Variants in SH2B2 observed in about 807,000 individuals in gnomAD.
SH2B2 encodes the protein SH2B adapter protein 2.
SH2B2 carries 37 observed loss-of-function variants against 35.7 expected under a neutral mutation model. That is an observed-to-expected ratio of 1.04 (90% confidence interval 0.80 to 1.36). The LOEUF (loss-of-function observed/expected upper bound fraction) is 1.36, where lower values mean the gene tolerates loss of function less well. Ranked by LOEUF, SH2B2 falls within the 40% of genes most tolerant of loss-of-function variation. The pLI is 0.00. For missense variants in SH2B2, 852 were observed against 817.7 expected (o/e 1.04, Z -0.51); for synonymous variants, 383 against 376.4 (o/e 1.02, Z -0.20).
At position 102,321,493 on chromosome 7, in the gene SH2B2, G is replaced by A. The variant is rs1340484144; in HGVS notation, c.1762G>A (p.Gly588Ser). Residue 588 changes from glycine (G) to serine (S), a missense_variant, in exon 9 of 9, where the codon GGC becomes AGC. Transcript: ENST00000444095. The stretch of plus-strand genomic sequence containing the variant: ...GCCCGCCCCCCCGCGCCCCGTCGAG[G>A]GCCAGCTCAGCGCGCGGAGCCGCAG... ...SGPAPPRPVE[G>S]QLSARSRSNS... 1.7e-6 allele frequency: 2 copies of A among 1,166,320 alleles called. No individual in the cohort carries two copies. Among genetic ancestry groups the A allele is most frequent in the Non-Finnish European group, 2.1e-6 (2 of 945,058 alleles). 72.2% of individuals were successfully genotyped at this position (1,166,320 alleles called of 1,614,324 possible).
Position 102,306,742 on chromosome 7 carries a change from A to T in SH2B2, c.751A>T (p.Ile251Phe), listed in dbSNP as rs782301062. 2.5e-6 allele frequency: 4 copies of T among 1,598,356 alleles called. No homozygotes were observed. Among genetic ancestry groups the T allele is most frequent in the Non-Finnish European group, 3.4e-6 (4 of 1,172,866 alleles). ...PPKASRPKVS[I>F]PLSAIIEVRT... Reference sequence around the variant, plus strand: ...CCAGGCCTCCAGGCCCAAGGTCAGCATCCCACTGTCAGCCATCATTGAGGT... The same window carrying T: ...CCAGGCCTCCAGGCCCAAGGTCAGCTTCCCACTGTCAGCCATCATTGAGGT... Residue 251 changes from isoleucine (I) to phenylalanine (F), a missense_variant, in exon 3 of 9, where the codon ATC becomes TTC. This residue lies in a region of SH2B2 where 556 missense variants were observed against 514.5 expected (regional missense o/e 1.08). Transcript: ENST00000444095.
chr7:102,287,995 G>A (rs955445023), intron 1 of SH2B2, among the ~76,000 whole-genome samples: 10 of 152,198 alleles, frequency 6.6e-5, no homozygotes, highest in Admixed American at 6.5e-4. Flanking sequence ...CCTGGGTGGA[G>A]CCCTACCAAT....
chr7:102,312,486 T>A (rs903830899), intron 4 of SH2B2, among the ~76,000 whole-genome samples: 7 of 152,302 alleles, frequency 4.6e-5, no homozygotes, highest in African/African-American at 1.7e-4. Context: ...GGGAATAGAC[T>A]GAGCAGGGGA....
intron 7 of SH2B2, among the ~76,000 whole-genome samples, chr7:102,318,683 C>T (rs187626475): frequency 6.0e-4 from 91 of 152,164 alleles, no homozygotes; most frequent in African/African-American, 2.1e-3. Flanking sequence ...GCAGGGACCC[C>T]GGCTGCCCTA....
intron 4 of SH2B2, among the ~76,000 whole-genome samples, chr7:102,311,753 A>C (rs1554556117): frequency 1.3e-5 from 2 of 152,046 alleles, no homozygotes; most frequent in African/African-American, 4.8e-5. Context: ...TAACGTGTAT[A>C]CATAGGAGCC....
intron 1 of SH2B2, among the ~76,000 whole-genome samples, chr7:102,298,183 C>T (rs1792997804): frequency 6.6e-6 from 1 of 152,184 alleles, no homozygotes; most frequent in Admixed American, 6.5e-5. Flanking sequence ...TTGGCTTTTA[C>T]TCTGACTGTA....
intron 4 of SH2B2, among the ~76,000 whole-genome samples, chr7:102,312,642 T>C (rs1793670104): frequency 6.6e-6 from 1 of 152,146 alleles, no homozygotes; most frequent in South Asian, 2.1e-4. Context: ...TTTCTTTCTT[T>C]TTTTCTTTCT....
upstream of SH2B2, among the ~76,000 whole-genome samples, chr7:102,286,297 C>T (rs981990205): frequency 6.6e-6 from 1 of 152,108 alleles, no homozygotes; most frequent in Non-Finnish European, 1.5e-5. Flanking sequence ...GTGGCGCCCT[C>T]GAGATTTATG....
At chr7:102,294,181 C>T (rs1455735255) in intron 1 of SH2B2, among the ~76,000 whole-genome samples, 1 of 152,156 alleles carries the variant, frequency 6.6e-6, no homozygotes, top group African/African-American at 2.4e-5. Flanking sequence ...GCGTGTGCCA[C>T]CACACCTGCC....
intron 2 of SH2B2, among the ~76,000 whole-genome samples, chr7:102,305,896 T>TC (rs1793376175): frequency 2.2e-5 from 3 of 137,056 alleles, no homozygotes; most frequent in Admixed American, 2.1e-4. Flanking sequence ...TTTTTTTCTT[T>TC]TTTTTTTTTT....
At chr7:102,311,474 C>T (rs1475549751) in intron 4 of SH2B2, among the ~76,000 whole-genome samples, 4 of 151,572 alleles carry the variant, frequency 2.6e-5, no homozygotes, top group African/African-American at 9.7e-5. Flanking sequence ...AGGCTCGTCT[C>T]GAACTCTTGA....
chr7:102,300,719 G>A lies in SH2B2; in HGVS notation c.169G>A (p.Ala57Thr). 6.5e-7 allele frequency: 1 copy of A among 1,532,064 alleles called. No individual in the cohort carries two copies. Among genetic ancestry groups the A allele is most frequent in the Non-Finnish European group, 8.8e-7 (1 of 1,135,706 alleles). The allele number at this position is 1,532,064 out of a possible 1,614,324, so 94.9% of individuals were successfully genotyped here. ...RDNPAYDTPDAGASFSRHFAA... is the reference protein window; with the variant it reads ...RDNPAYDTPDTGASFSRHFAA... ...CAACCCAGCTTACGACACGCCCGAC[G>A]CCGGCGCCTCCTTCTCCCGCCACTT... Residue 57 changes from alanine to threonine, a missense_variant, in exon 2 of 9, where the codon GCC (alanine) becomes ACC (threonine). Around this residue, in one of 3 missense-constraint regions of SH2B2, gnomAD observed 294 missense variants for 286.6 expected, o/e 1.03. Transcript: ENST00000444095.
chr7:102,292,044 G>A (rs1792692836), intron 1 of SH2B2, among the ~76,000 whole-genome samples: 1 of 152,132 alleles, frequency 6.6e-6, no homozygotes, highest in Admixed American at 6.5e-5. Flanking sequence ...CCAGGCCAGT[G>A]CTGCTAAGGT....
Position 102,310,168 on chromosome 7 carries a change from T to G in SH2B2, c.923+1262T>G, listed in dbSNP as rs113174548. On this transcript the variant is annotated intron_variant, in intron 4 of 8. Coordinates refer to ENST00000444095, the MANE Select transcript of SH2B2 (RefSeq NM_001359228.2). ...CCATCTCTACTAAAAATACAAAAAT[T>G]AGCCAGGCATCGTGGCGGGCATCTG... 3.4e-5 allele frequency among the ~76,000 whole-genome samples: 5 copies of G among 148,646 alleles called. No individual in the cohort carries two copies. In the East Asian group the frequency reaches 8.1e-4, roughly 24 times the overall value.
At chr7:102,314,811 C>T (rs1793757833) in intron 6 of SH2B2, 129 bp downstream of exon 6, 2 of 397,510 alleles carry the variant, frequency 5.0e-6, no homozygotes, top group Non-Finnish European at 8.9e-6. Context: ...CTCCTGGGTC[C>T]TTCACACGTC....
intron 4 of SH2B2, among the ~76,000 whole-genome samples, chr7:102,310,787 G>A (rs782472009): frequency 3.9e-5 from 6 of 152,190 alleles, no homozygotes; most frequent in Non-Finnish European, 7.3e-5. Context: ...TTCCCCAGCC[G>A]CTGTGAAGGT....
chr7:102,320,290 G>A (rs1438532192), intron 7 of SH2B2, 41 bp from the exon 8 acceptor site: 3 of 1,549,282 alleles, frequency 1.9e-6, no homozygotes, highest in African/African-American at 1.4e-5. Context: ...CAGGTGCCCA[G>A]CCCCGGACCT....
At chr7:102,288,830 C>T (rs1725623) in intron 1 of SH2B2, among the ~76,000 whole-genome samples, 20,438 of 152,256 alleles carry the variant, frequency 0.13, 1,424 homozygotes, top group Middle Eastern at 0.17. Context: ...GTCCCGCAGT[C>T]AACGAGCCAG....
intron 4 of SH2B2, chr7:102,309,337 C>A (rs923539486): frequency 2.0e-5 from 7 of 341,828 alleles, no homozygotes; most frequent in Non-Finnish European, 3.4e-5. Context: ...CATAGCCAGA[C>A]CCTCTCTCTC....
Sources: allele counts gnomAD v4.1 joint callset (sites outside exome capture counted in the v4.1 genomes callset), GRCh38; gene constraint gnomAD v4.1.1; regional missense constraint gnomAD v4.1.1; transcripts MANE v1.5; gene names NCBI Gene and HGNC (gene_info 2026-07-23, HGNC 2026-07-21).